The following PLEK2 variants were observed in gnomAD, a reference collection of about 807,000 sequenced individuals.
The protein encoded by PLEK2 is pleckstrin 2.
In PLEK2, 29 loss-of-function variants were observed where a neutral mutation model predicts 43.8. That is an observed-to-expected ratio of 0.66 (90% CI 0.49 to 0.90). The LOEUF (loss-of-function observed/expected upper bound fraction) is 0.90, where lower values mean the gene tolerates loss of function less well. PLEK2 is among the 40% of genes least tolerant of loss of function. The pLI is 0.00. For synonymous variants in PLEK2, 162 were observed against 173.2 expected, an observed-to-expected ratio of 0.94 and a Z score of 0.51; for missense variants, 398 against 448.1, an observed-to-expected ratio of 0.89 and a Z score of 1.01.
chr14:67,404,611 A>C (rs1716207989), intron 1 of PLEK2, among the ~76,000 whole-genome samples: 1 of 152,030 alleles, frequency 6.6e-6, no homozygotes, highest in Admixed American at 6.6e-5. Context: ...GGACTTCAAG[A>C]CCAGCTTGGA....
intron 7 of PLEK2, among the ~76,000 whole-genome samples, chr14:67,390,197 A>G (rs951618957): frequency 1.2e-4 from 19 of 152,358 alleles, no homozygotes; most frequent in Admixed American, 3.9e-4. Context: ...AGTTTTTTAA[A>G]AAGCAAATTA....
chr14:67,407,469 C>T (rs972374140), intron 1 of PLEK2, among the ~76,000 whole-genome samples: 1 of 151,596 alleles, frequency 6.6e-6, no homozygotes, highest in Non-Finnish European at 1.5e-5. Flanking sequence ...GAGGCAGGGT[C>T]TCATTTGGTT....
intron 7 of PLEK2, among the ~76,000 whole-genome samples, chr14:67,390,348 G>GCCTACCTCAT (rs1421976901): frequency 2.6e-5 from 4 of 152,126 alleles, no homozygotes; most frequent in Non-Finnish European, 4.4e-5. Flanking sequence ...GTCTCTGTCA[G>GCCTACCTCAT]CCTACCTCAT....
chr14:67,389,852 G>A (rs1377514051), intron 7 of PLEK2, among the ~76,000 whole-genome samples: 3 of 151,486 alleles, frequency 2.0e-5, no homozygotes, highest in African/African-American at 7.3e-5. Context: ...AGCCAGAAAG[G>A]AAGGAGTTTG....
chr14:67,387,907 T>C (rs1409296038), intron 8 of PLEK2, among the ~76,000 whole-genome samples: 1 of 152,242 alleles, frequency 6.6e-6, no homozygotes, highest in Non-Finnish European at 1.5e-5. Flanking sequence ...AGTATTATGA[T>C]ACATATTAAG....
chr14:67,394,370 C>T (rs191702055), intron 3 of PLEK2, among the ~76,000 whole-genome samples: 2 of 151,882 alleles, frequency 1.3e-5, no homozygotes, highest in East Asian at 1.9e-4. Flanking sequence ...CACTCCAGCC[C>T]GGGCAACTGA....
chr14:67,394,614 G>A (rs753205680), intron 3 of PLEK2, among the ~76,000 whole-genome samples: 22 of 152,122 alleles, frequency 1.4e-4, no homozygotes, highest in Admixed American at 3.3e-4. Flanking sequence ...GTTTTTGTGA[G>A]CCCAGGAATG....
At chr14:67,387,500 A>T (rs753561628) in intron 8 of PLEK2, 44 bp from the exon 9 acceptor site, 2 of 1,584,496 alleles carry the variant, frequency 1.3e-6, no homozygotes, top group South Asian at 1.2e-5. Flanking sequence ...TTGAATAGCC[A>T]TGTCTGCTTT....
chr14:67,401,288 G>A (rs2086046778), intron 1 of PLEK2, among the ~76,000 whole-genome samples: 1 of 151,862 alleles, frequency 6.6e-6, no homozygotes, highest in South Asian at 2.1e-4. Flanking sequence ...GGAGTTTGAG[G>A]CCAGCCTCAG....
intron 1 of PLEK2, chr14:67,398,126 A>T (rs965626299): frequency 7.6e-6 from 2 of 262,788 alleles, no homozygotes; most frequent in African/African-American, 4.4e-5. Context: ...TTGCTAACAT[A>T]TTGTATTTCC....
At position 67,387,358 on chromosome 14, in the gene PLEK2, A is replaced by C; in HGVS notation, c.1033T>G (p.Trp345Gly). The change falls in exon 9 of 9, where the codon TGG (tryptophan) becomes GGG (glycine). Residue 345 changes from tryptophan to glycine, a missense_variant. Physicochemically the swap from Trp to Gly is radical, Grantham distance 184 (BLOSUM62 -2). Transcript: ENST00000216446. Reference protein sequence around the residue: ...QASSKAERAEWIEAIKKLT With the variant: ...QASSKAERAEGIEAIKKLT Reference sequence around the variant, plus strand: ...GTTAGCTTTTTGATAGCTTCAATCCACTCGGCTCGCTCAGCCTTGCTGCTG... The same window carrying C: ...GTTAGCTTTTTGATAGCTTCAATCCCCTCGGCTCGCTCAGCCTTGCTGCTG... 1 of 1,610,942 alleles carries C rather than the reference A, an allele frequency of 6.2e-7. No homozygotes were observed. The highest frequency in any genetic ancestry group is 8.5e-7 in the Non-Finnish European group (1 of 1,178,956).
chr14:67,388,539 C>G (rs747064617), intron 7 of PLEK2, among the ~76,000 whole-genome samples: 5 of 152,204 alleles, frequency 3.3e-5, no homozygotes, highest in Non-Finnish European at 5.9e-5. Flanking sequence ...CCAAGTCTCA[C>G]AGACTTGCAA....
At position 67,389,362 on chromosome 14, in the gene PLEK2, T is replaced by A. The variant is rs532589220; in HGVS notation, c.856-1060A>T. On this transcript the variant is annotated intron_variant, in intron 7 of 8. Transcript: ENST00000216446. Reference sequence around the variant, plus strand: ...GTCCTGTCCTGGATAGGAGAGTAGGTCCCCAGGACAGGAGAGGGGCATTCA... The same window carrying A: ...GTCCTGTCCTGGATAGGAGAGTAGGACCCCAGGACAGGAGAGGGGCATTCA... Among the ~76,000 whole-genome samples, 45 of 151,918 alleles carry A rather than the reference T, an allele frequency of 3.0e-4. No individual in the cohort carries two copies. In the South Asian group the frequency reaches 4.4e-3, roughly 15 times the overall value.
intron 2 of PLEK2, among the ~76,000 whole-genome samples, chr14:67,396,968 T>G (rs1460197128): frequency 1.3e-5 from 2 of 151,094 alleles, no homozygotes; most frequent in Non-Finnish European, 2.9e-5. Flanking sequence ...TTGAGGAGTC[T>G]CATTCTGTCA....
chr14:67,397,241 G>C (rs560759689), intron 2 of PLEK2, among the ~76,000 whole-genome samples: 27 of 152,256 alleles, frequency 1.8e-4, no homozygotes, highest in Middle Eastern at 6.8e-3. Flanking sequence ...GCCCAGCCTA[G>C]ACTTTTTTAA....
rs759738400 is a variant in PLEK2 at position 67,392,445 on chromosome 14, G to A, written c.670-18C>T. On this transcript the variant is annotated intron_variant, in intron 5 of 8. Transcript: ENST00000216446. ...CTCTCAGCCTAGGGGGAAGGAGGGA[G>A]CAAGGACTCTGCTACAGAAAAGACC... The A allele has an allele frequency of 2.9e-5, 46 of 1,568,432 alleles. No homozygotes were observed. The South Asian group carries it at 4.8e-4, about 16-fold the overall frequency.
intron 7 of PLEK2, among the ~76,000 whole-genome samples, chr14:67,388,737 AGGCAC>A (rs2085945666): frequency 6.6e-6 from 1 of 152,038 alleles, no homozygotes; most frequent in Non-Finnish European, 1.5e-5. Context: ...TGGAGTGCAG[AGGCAC>A]GATCTCGGCT....
chr14:67,397,529 G>T, intron 2 of PLEK2, 133 bp downstream of exon 2: 1 of 703,088 alleles, frequency 1.4e-6, no homozygotes, highest in Non-Finnish European at 2.3e-6. Context: ...ATGTGGCGGA[G>T]CCAGGATTTG....
intron 1 of PLEK2, among the ~76,000 whole-genome samples, chr14:67,409,939 GC>G (rs2086106114): frequency 6.6e-6 from 1 of 152,136 alleles, no homozygotes; most frequent in South Asian, 2.1e-4. Context: ...GGGTTCTGGG[GC>G]CCTATCCTTC....
Sources: allele counts gnomAD v4.1 joint callset (sites outside exome capture counted in the v4.1 genomes callset), GRCh38; gene constraint gnomAD v4.1.1; transcripts MANE v1.5; gene names NCBI Gene and HGNC (gene_info 2026-07-23, HGNC 2026-07-21).